The following SUPT3H variants were observed in gnomAD, a reference collection of about 807,000 sequenced individuals.
SUPT3H encodes the protein SPT3 homolog, SAGA and STAGA complex component.
Under a neutral mutation model 44.3 loss-of-function variants are expected in SUPT3H, and 44 were observed. The ratio of observed to expected loss-of-function variants is 0.99; its 90% CI spans 0.78 to 1.28. The LOEUF (loss-of-function observed/expected upper bound fraction) is 1.28. SUPT3H is among the 50% of genes most tolerant of loss of function. SUPT3H has a pLI of 0.00. For synonymous variants in SUPT3H, 124 were observed against 125.6 expected (o/e 0.99, Z 0.09); for missense variants, 380 against 387.1 (o/e 0.98, Z 0.15).
At chr6:45,142,213 C>T (rs907285442) in intron 2 of SUPT3H, among the ~76,000 whole-genome samples, 2 of 152,128 alleles carry the variant, frequency 1.3e-5, no homozygotes, top group African/African-American at 2.4e-5. Context: ...GAATACATTA[C>T]TACCAAGCCA....
At position 45,175,453 on chromosome 6, in the gene SUPT3H, C is replaced by A. The variant is rs539620101; in HGVS notation, c.102-69447G>T. 5.9e-5 allele frequency among the ~76,000 whole-genome samples: 9 copies of A among 152,164 alleles called. No homozygotes were observed. In the South Asian group the frequency reaches 1.9e-3, roughly 32 times the overall value. On this transcript the variant is annotated intron_variant, in intron 2 of 10. Transcript: ENST00000371459. Reference sequence around the variant, plus strand: ...GAGAACAGCATGGGGGAAACTGCCCCCATGATTCAATTACCTCCACCTGGT... The same window carrying A: ...GAGAACAGCATGGGGGAAACTGCCCACATGATTCAATTACCTCCACCTGGT...
intron 10 of SUPT3H, among the ~76,000 whole-genome samples, chr6:44,885,557 T>C (rs933748908): frequency 6.6e-6 from 1 of 152,220 alleles, no homozygotes; most frequent in Non-Finnish European, 1.5e-5. Context: ...CTAAGGGTCC[T>C]GTCTGTTAGA....
At chr6:45,312,646 A>G (rs753100517) in intron 2 of SUPT3H, among the ~76,000 whole-genome samples, 2 of 130,584 alleles carry the variant, frequency 1.5e-5, no homozygotes, top group Non-Finnish European at 3.2e-5. Flanking sequence ...AATTACTAAC[A>G]GACCTAAAAA....
chr6:45,141,357 A>AG (rs1805165152), intron 2 of SUPT3H, among the ~76,000 whole-genome samples: 1 of 150,262 alleles, frequency 6.7e-6, no homozygotes, highest in African/African-American at 2.4e-5. Flanking sequence ...AAAAAAAAAA[A>AG]AAAAAAGAAA....
chr6:44,969,677 C>T (rs1777290203), intron 6 of SUPT3H, among the ~76,000 whole-genome samples: 1 of 152,154 alleles, frequency 6.6e-6, no homozygotes, highest in African/African-American at 2.4e-5. Context: ...GACTCAGAAT[C>T]CTGACTGATG....
chr6:45,369,595 C>A (rs1473558555), intron 1 of SUPT3H, among the ~76,000 whole-genome samples: 1 of 152,040 alleles, frequency 6.6e-6, no homozygotes, highest in Non-Finnish European at 1.5e-5. Context: ...TCGTATCCTC[C>A]CTTAATTCCC....
chr6:44,844,926 A>AC (rs372075227), intron 10 of SUPT3H, among the ~76,000 whole-genome samples: 41 of 150,692 alleles, frequency 2.7e-4, no homozygotes, highest in African/African-American at 6.1e-4. Flanking sequence ...AAACAACAAA[A>AC]CCCCCCCCAC....
At chr6:45,241,970 C>T (rs1161382050) in intron 2 of SUPT3H, among the ~76,000 whole-genome samples, 3 of 152,146 alleles carry the variant, frequency 2.0e-5, no homozygotes, top group East Asian at 3.9e-4. Flanking sequence ...ATGTTTTACT[C>T]TATCCAATAA....
chr6:45,328,486 T>G, intron 2 of SUPT3H: 1 of 1,505,432 alleles, frequency 6.6e-7, no homozygotes, highest in Non-Finnish European at 9.0e-7. Flanking sequence ...CCACAGTCTA[T>G]GCAGTAATAG....
intron 10 of SUPT3H, among the ~76,000 whole-genome samples, chr6:44,929,024 A>T (rs1450315463): frequency 6.6e-6 from 1 of 151,880 alleles, no homozygotes; most frequent in Admixed American, 6.6e-5. Flanking sequence ...TGGTGTTCAC[A>T]GGTGTGTGGC....
At chr6:45,123,761 T>C (rs1350481273) in intron 2 of SUPT3H, among the ~76,000 whole-genome samples, 1 of 152,172 alleles carries the variant, frequency 6.6e-6, no homozygotes, top group African/African-American at 2.4e-5. Context: ...TTTTGCACAA[T>C]GGCCATCACA....
At chr6:45,050,647 TCACGGAAGA>T (rs1411641806) in intron 3 of SUPT3H, among the ~76,000 whole-genome samples, 2 of 152,150 alleles carry the variant, frequency 1.3e-5, no homozygotes, top group Admixed American at 6.6e-5. Flanking sequence ...TTTTAAAGCC[TCACGGAAGA>T]CAGTTTTCTG....
intron 10 of SUPT3H, 67 bp from the exon 11 acceptor site, chr6:44,829,924 G>T: frequency 7.1e-7 from 1 of 1,416,028 alleles, no homozygotes; most frequent in Non-Finnish European, 1.0e-6. Context: ...GAGGCAAAAA[G>T]CAAGCAGAGC....
At chr6:44,813,050 T>C (rs781611557) in intron 11 of SUPT3H, among the ~76,000 whole-genome samples, 1 of 152,106 alleles carries the variant, frequency 6.6e-6, no homozygotes, top group Non-Finnish European at 1.5e-5. Context: ...TGAAGGGGCC[T>C]GGTAAACACC....
intron 2 of SUPT3H, among the ~76,000 whole-genome samples, chr6:45,186,432 A>T (rs1023961698): frequency 6.6e-6 from 1 of 152,202 alleles, no homozygotes; most frequent in Non-Finnish European, 1.5e-5. Flanking sequence ...GGAAAATCTC[A>T]GCAAAGAAAC....
At chr6:44,882,989 CCT>C (rs1300357293) in intron 10 of SUPT3H, among the ~76,000 whole-genome samples, 1 of 152,148 alleles carries the variant, frequency 6.6e-6, no homozygotes, top group Non-Finnish European at 1.5e-5. Flanking sequence ...ACAAGGATGG[CCT>C]CTCTCACCAC....
intron 9 of SUPT3H, among the ~76,000 whole-genome samples, chr6:44,933,546 A>C (rs968208893): frequency 3.3e-5 from 5 of 152,202 alleles, no homozygotes; most frequent in Admixed American, 1.3e-4. Context: ...CTCACCTGTA[A>C]ATTGGGAAAA....
chr6:44,971,771 T>C (rs760205537), intron 6 of SUPT3H, among the ~76,000 whole-genome samples: 8 of 151,790 alleles, frequency 5.3e-5, no homozygotes, highest in Non-Finnish European at 1.2e-4. Context: ...AAAGTCTTTT[T>C]TGCCTGTTTG....
intron 10 of SUPT3H, among the ~76,000 whole-genome samples, chr6:44,901,182 T>C (rs1764977025): frequency 6.6e-6 from 1 of 152,098 alleles, no homozygotes; most frequent in Non-Finnish European, 1.5e-5. Flanking sequence ...AGAATGACTT[T>C]GACAAGTTGA....
Sources: gnomAD v4.1 joint callset for allele counts (sites outside exome capture counted in the v4.1 genomes callset) on GRCh38, gnomAD v4.1.1 for gene constraint, MANE v1.5 for transcripts, NCBI Gene and HGNC (gene_info 2026-07-23, HGNC 2026-07-21) for gene names.